DLG5: variants seen among roughly 807,000 people sequenced by gnomAD.
DLG5 encodes disks large homolog 5.
In DLG5, 48 loss-of-function variants were observed where a neutral mutation model predicts 189.8. The observed-to-expected ratio is 0.25, with a 90% CI of 0.20 to 0.32. The LOEUF (loss-of-function observed/expected upper bound fraction) is 0.32. DLG5 is among the 10% of genes least tolerant of loss of function. DLG5 has a pLI of 1.00. For synonymous variants in DLG5, 1,016 were observed against 1,054.1 expected (o/e 0.96, Z 0.70); for missense variants, 2,160 against 2,544.7 (o/e 0.85, Z 3.25).
Position 77,792,134 on chromosome 10 carries a change from G to T in DLG5, c.*306C>A. The T allele has an allele frequency of 2.5e-6, 1 of 403,692 alleles. No homozygotes were observed. Among genetic ancestry groups the T allele is most frequent in the Non-Finnish European group, 4.5e-6 (1 of 224,100 alleles). The allele number at this position is 403,692 out of a possible 1,614,324, so 25.0% of individuals were successfully genotyped here. On this transcript the variant is annotated 3_prime_UTR_variant, in exon 32 of 32. Coordinates refer to ENST00000372391, the MANE Select transcript of DLG5 (RefSeq NM_004747.4). ...GAAAAGGCTTGTAAACGAGTGATCC[G>T]AAAGGTTCTCTTTGCAGCATCTCTG...
intron 27 of DLG5, among the ~76,000 whole-genome samples, chr10:77,798,109 C>G (rs1841015949): frequency 6.6e-6 from 1 of 152,140 alleles, no homozygotes; most frequent in African/African-American, 2.4e-5. Flanking sequence ...ATCACTTGAA[C>G]CCAGGAGGCG....
chr10:77,821,745 C>A lies in DLG5; in HGVS notation c.2739G>T (p.Arg913=). Residue 913 remains arginine (R), a synonymous_variant, in exon 15 of 32, where the codon CGG becomes CGT. Transcript: ENST00000372391. Reference sequence around the variant, plus strand: ...CGGTCTCAAAGGGCAGCAGTGGCCGCCGGCCACGCACGTCCACCAGCCCAA... The same window carrying A: ...CGGTCTCAAAGGGCAGCAGTGGCCGACGGCCACGCACGTCCACCAGCCCAA... ...RGFGLVDVRG[R]RPLLPFETEV... 1.9e-6 allele frequency: 3 copies of A among 1,609,380 alleles called. No homozygotes were observed. The highest frequency in any genetic ancestry group is 3.4e-5 in the Admixed American group (2 of 59,212).
At chr10:77,854,086 C>T (rs1844112083) in intron 4 of DLG5, 141 bp downstream of exon 4, 34 of 1,094,024 alleles carry the variant, frequency 3.1e-5, no homozygotes, top group South Asian at 3.0e-4. Flanking sequence ...GGCACAAATC[C>T]ACCTGCTGTA....
At chr10:77,852,624 G>C (rs1184984982) in intron 5 of DLG5, among the ~76,000 whole-genome samples, 1 of 152,006 alleles carries the variant, frequency 6.6e-6, no homozygotes, top group Non-Finnish European at 1.5e-5. Context: ...GCCATGTTAG[G>C]ATGGTCTCGA....
intron 1 of DLG5, among the ~76,000 whole-genome samples, chr10:77,900,741 C>T (rs143475951): frequency 0.018 from 2,772 of 152,254 alleles, 86 homozygotes; most frequent in African/African-American, 0.063. Flanking sequence ...TTGAGACCAG[C>T]CTGACCAACA....
At position 77,790,968 on chromosome 10, in the gene DLG5, G is replaced by A. The variant is rs1011054203; in HGVS notation, c.*1472C>T. 2.6e-5 allele frequency: 4 copies of A among 152,300 alleles called. No homozygotes were observed. Among genetic ancestry groups the A allele is most frequent in the Non-Finnish European group, 4.4e-5 (3 of 68,040 alleles). 9.4% of individuals were successfully genotyped at this position (152,300 alleles called of 1,614,324 possible). ...CAGCCCCTACCCCCAGAGGGTCTGC[G>A]AGTTAATACCTTGAGAATAGTCTAC... On this transcript the variant is annotated 3_prime_UTR_variant, in exon 32 of 32. Coordinates refer to ENST00000372391, the MANE Select transcript of DLG5 (RefSeq NM_004747.4).
chr10:77,940,617 CT>C, the DLG5 span, among the ~76,000 whole-genome samples: 17 of 152,066 alleles, frequency 1.1e-4, no homozygotes, highest in African/African-American at 3.9e-4. Flanking sequence ...TGCCCAGTTC[CT>C]TCATTTTTTC....
At chr10:77,860,487 G>C (rs1002735932) in intron 2 of DLG5, among the ~76,000 whole-genome samples, 2 of 152,184 alleles carry the variant, frequency 1.3e-5, no homozygotes, top group African/African-American at 2.4e-5. Context: ...AGTAGAGATG[G>C]AGTTTCACCA....
chr10:77,792,448 G>A lies in DLG5; in HGVS notation c.5752C>T (p.Pro1918Ser), dbSNP rs141127758. The A allele has an allele frequency of 3.2e-4, 521 of 1,614,160 alleles. 3 individuals are homozygous for A. In the Middle Eastern group the frequency reaches 3.3e-3, roughly 10 times the overall value. Reference sequence around the variant, plus strand: ...CACAGCACAGCATTCTCCTAGAGCGGGCAGGCTGGAATCCACAGGACTTTA... The same window carrying A: ...CACAGCACAGCATTCTCCTAGAGCGAGCAGGCTGGAATCCACAGGACTTTA... The part of the protein sequence containing the change: ...QNKVLWIPAC[P>S]L Residue 1918 changes from proline (P) to serine (S), a missense_variant, in exon 32 of 32, where the codon CCG becomes TCG. Physicochemically the swap from Pro to Ser is moderately conservative, Grantham distance 74. This residue lies in a region of DLG5 where 574 missense variants were observed against 644.2 expected (regional missense o/e 0.89). Coordinates refer to ENST00000372391, the MANE Select transcript of DLG5 (RefSeq NM_004747.4).
In DLG5 at chr10:77,808,960, G is replaced by A. The variant is rs544355996; in HGVS notation, c.4647+587C>T. Among the ~76,000 whole-genome samples, 12 of 152,212 alleles carry A rather than the reference G, an allele frequency of 7.9e-5. No individual in the cohort carries two copies. In the Middle Eastern group the frequency reaches 0.017, roughly 216 times the overall value. ...AAATACAAAAATAAATTAGCTGGGC[G>A]TGTTGGCGCATGCCTGTAATCTCAG... On this transcript the variant is annotated intron_variant, in intron 24 of 31. Transcript: ENST00000372391.
chr10:77,904,138 G>A (rs991525033), intron 1 of DLG5, among the ~76,000 whole-genome samples: 100 of 152,218 alleles, frequency 6.6e-4, no homozygotes, highest in South Asian at 2.1e-4. Flanking sequence ...CAATGATCAC[G>A]CCTATGAATG....
At chr10:77,931,390 A>G (rs1846784938), upstream of DLG5, among the ~76,000 whole-genome samples, 2 of 151,650 alleles carry the variant, frequency 1.3e-5, no homozygotes, top group South Asian at 4.2e-4. Flanking sequence ...CTGAGACTGC[A>G]GACACCATCA....
chr10:77,840,501 T>G (rs768244225), intron 7 of DLG5, among the ~76,000 whole-genome samples: 15 of 152,222 alleles, frequency 9.9e-5, no homozygotes, highest in Non-Finnish European at 1.8e-4. Flanking sequence ...AAGGATCGCT[T>G]GAGTCCAGGA....
intron 1 of DLG5, among the ~76,000 whole-genome samples, chr10:77,897,531 A>T (rs1337412705): frequency 6.6e-6 from 1 of 152,074 alleles, no homozygotes; most frequent in Non-Finnish European, 1.5e-5. Context: ...AGATAAAAAT[A>T]ACACTTGAAG....
chr10:77,893,857 G>A (rs990942068), intron 1 of DLG5, among the ~76,000 whole-genome samples: 2 of 152,180 alleles, frequency 1.3e-5, no homozygotes, highest in Non-Finnish European at 2.9e-5. Flanking sequence ...CCTACTCCCT[G>A]GGCCTGAACC....
intron 1 of DLG5, among the ~76,000 whole-genome samples, chr10:77,921,650 C>T (rs1211129706): frequency 2.6e-5 from 4 of 152,212 alleles, no homozygotes; most frequent in Non-Finnish European, 4.4e-5. Flanking sequence ...GTCCAGCCTA[C>T]GCAGCCCACA....
At chr10:77,872,436 T>C (rs976669033) in intron 1 of DLG5, among the ~76,000 whole-genome samples, 2 of 152,180 alleles carry the variant, frequency 1.3e-5, no homozygotes, top group Non-Finnish European at 1.5e-5. Flanking sequence ...CTCTGGGGCC[T>C]AACCAGGGCA....
chr10:77,911,296 T>A (rs992031960), intron 1 of DLG5, among the ~76,000 whole-genome samples: 1 of 152,102 alleles, frequency 6.6e-6, no homozygotes, highest in African/African-American at 2.4e-5. Flanking sequence ...AATTTTTGTA[T>A]TTTTTGTACA....
intron 27 of DLG5, among the ~76,000 whole-genome samples, chr10:77,797,928 T>C (rs549500320): frequency 2.6e-5 from 4 of 152,310 alleles, no homozygotes; most frequent in Admixed American, 2.6e-4. Flanking sequence ...GGCTCACGTC[T>C]GTAATCCCAG....
Sources: allele counts gnomAD v4.1 joint callset (sites outside exome capture counted in the v4.1 genomes callset), GRCh38; gene constraint gnomAD v4.1.1; regional missense constraint gnomAD v4.1.1; transcripts MANE v1.5; gene names NCBI Gene and HGNC (gene_info 2026-07-23, HGNC 2026-07-21).